The following PITPNC1 variants were observed in gnomAD, a reference collection of about 807,000 sequenced individuals.
PITPNC1 encodes the protein phosphatidylinositol transfer protein cytoplasmic 1, also known as cytoplasmic phosphatidylinositol transfer protein 1.
In PITPNC1, 18 loss-of-function variants were observed where a neutral mutation model predicts 44.7. The ratio of observed to expected loss-of-function variants is 0.40; its 90% CI spans 0.28 to 0.60. The LOEUF (loss-of-function observed/expected upper bound fraction) is 0.60, where lower values mean the gene tolerates loss of function less well. PITPNC1 is among the 20% of genes least tolerant of loss of function. The probability of loss-of-function intolerance (pLI) is 0.39; values close to 1 mark genes in which losing one functional copy is unlikely to be tolerated. For missense variants in PITPNC1, 290 were observed against 418.4 expected, an observed-to-expected ratio of 0.69 and a Z score of 2.68; for synonymous variants, 141 against 149.6, an observed-to-expected ratio of 0.94 and a Z score of 0.42.
chr17:67,480,643 T>C (rs2039689210), intron 1 of PITPNC1, among the ~76,000 whole-genome samples: 1 of 152,154 alleles, frequency 6.6e-6, no homozygotes, highest in Non-Finnish European at 1.5e-5. Flanking sequence ...TACATGTATG[T>C]ATTTTTTTTT....
chr17:67,403,499 G>A (rs57478291), intron 1 of PITPNC1, among the ~76,000 whole-genome samples: 11,729 of 152,224 alleles, frequency 0.077, 501 homozygotes, highest in Middle Eastern at 0.11. Context: ...ATATGTGTCC[G>A]TGTGGACATT....
intron 1 of PITPNC1, among the ~76,000 whole-genome samples, chr17:67,426,442 G>T (rs2038766614): frequency 2.0e-5 from 3 of 152,178 alleles, no homozygotes; most frequent in Admixed American, 2.0e-4. Flanking sequence ...AAAGGAATGA[G>T]ATCATGTCCT....
chr17:67,483,290 G>T (rs1010248829), intron 1 of PITPNC1, among the ~76,000 whole-genome samples: 1 of 152,174 alleles, frequency 6.6e-6, no homozygotes, highest in African/African-American at 2.4e-5. Flanking sequence ...TCTCTGTGTT[G>T]TAAAAGGAGG....
At position 67,524,748 on chromosome 17, in the gene PITPNC1, CTTTTTTTTTTTTTTTTTTT is replaced by C. The variant is rs1000220869; in HGVS notation, c.49-8040_49-8022del. ...TGTTTCAAACATATATGAAGGTTTT[CTTTTTTTTTTTTTTTTTTT>C]TTTTTTTTTTTTTGAGACGGAGTCT... On this transcript the variant is annotated intron_variant, in intron 1 of 8. Coordinates refer to ENST00000581322, the MANE Select transcript of PITPNC1 (RefSeq NM_012417.4). 6.0e-4 allele frequency: 4 copies of C among 6,650 alleles called. 2 individuals are homozygous for C. The highest frequency in any genetic ancestry group is 9.6e-4 in the Non-Finnish European group (4 of 4,182). The allele number at this position is 6,650 out of a possible 1,614,324, so 0.4% of individuals were successfully genotyped here.
rs149983563 is a variant in PITPNC1 at position 67,407,794 on chromosome 17, C to T, written c.48+29592C>T. Among the ~76,000 whole-genome samples, 14 of 148,798 alleles carry T rather than the reference C, an allele frequency of 9.4e-5. No homozygotes were observed. The East Asian group carries it at 1.6e-3, about 17-fold the overall frequency. On this transcript the variant is annotated intron_variant, in intron 1 of 8. Transcript: ENST00000581322. ...GGGCAACAAGAGCGAAACTCTGTCT[C>T]GGAAAAAAAAAAGAAAAACAAAAAA...
rs565426821 is a variant in PITPNC1 at position 67,606,415 on chromosome 17, A to G, written c.367-25728A>G. ...TCAACTGCCTTCAAAGAGATGGGAC[A>G]ATGTTCTTAGAGAGTGAAGTTTCGC... On this transcript the variant is annotated intron_variant, in intron 5 of 8. Transcript: ENST00000581322. Among the ~76,000 whole-genome samples, 9 of 152,332 alleles carry G rather than the reference A, an allele frequency of 5.9e-5. No individual in the cohort carries two copies. The South Asian group carries it at 1.9e-3, about 32-fold the overall frequency.
At chr17:67,585,445 C>T (rs539908803) in intron 5 of PITPNC1, among the ~76,000 whole-genome samples, 2 of 152,220 alleles carry the variant, frequency 1.3e-5, no homozygotes, top group Admixed American at 1.3e-4. Flanking sequence ...AAAATGAGGC[C>T]ATTAGAGTGG....
chr17:67,471,141 C>G (rs2039520806), intron 1 of PITPNC1, among the ~76,000 whole-genome samples: 1 of 124,438 alleles, frequency 8.0e-6, no homozygotes, highest in Admixed American at 8.6e-5. Flanking sequence ...CTTCCCTCCA[C>G]TATTGTCCCA....
In PITPNC1 at chr17:67,393,129, C is replaced by CAA. The variant is rs79602275; in HGVS notation, c.48+14941_48+14942dup. The stretch of plus-strand genomic sequence containing the variant: ...TGGGCTACAGAGCAAGACTCCACCT[C>CAA]AAAAAAAAAAAAAAAGCAGAAAAAT... On this transcript the variant is annotated intron_variant, in intron 1 of 8. Transcript: ENST00000581322. Among the ~76,000 whole-genome samples, 120 of 96,646 alleles carry CAA rather than the reference C, an allele frequency of 1.2e-3. 2 individuals carry two copies. In the South Asian group the frequency reaches 0.024, roughly 19 times the overall value. The allele number at this position is 96,646 out of a possible 152,430, so 63.4% of individuals were successfully genotyped here. A position where few individuals can be genotyped will look rare whatever the true frequency, so the allele number is the denominator to read the frequency against.
intron 5 of PITPNC1, among the ~76,000 whole-genome samples, chr17:67,588,898 A>C (rs950924117): frequency 2.4e-4 from 36 of 152,204 alleles, no homozygotes; most frequent in African/African-American, 7.2e-4. Context: ...CATTTGCTTT[A>C]TTTTTAGACG....
intron 1 of PITPNC1, among the ~76,000 whole-genome samples, chr17:67,402,678 G>GT (rs768857487): frequency 3.9e-5 from 6 of 152,096 alleles, no homozygotes; most frequent in Non-Finnish European, 8.8e-5. Flanking sequence ...TTGTTTGTTT[G>GT]TTTTTTGAGT....
intron 5 of PITPNC1, among the ~76,000 whole-genome samples, chr17:67,591,139 C>A (rs1481775529): frequency 1.3e-5 from 2 of 152,014 alleles, no homozygotes. Context: ...AACAAACAAA[C>A]AAACAAAAAA....
At chr17:67,585,137 C>A (rs78810317) in intron 5 of PITPNC1, among the ~76,000 whole-genome samples, 28,631 of 137,400 alleles carry the variant, frequency 0.21, 3,053 homozygotes, top group South Asian at 0.28. Context: ...AAAAAAAAAA[C>A]CAGACAAACC....
intron 8 of PITPNC1, among the ~76,000 whole-genome samples, chr17:67,688,622 A>G (rs1268265779): frequency 6.6e-6 from 1 of 152,162 alleles, no homozygotes; most frequent in Non-Finnish European, 1.5e-5. Flanking sequence ...CTCTATGCAC[A>G]GACCAATTCC....
At chr17:67,678,554 TA>T (rs1220405525) in intron 8 of PITPNC1, among the ~76,000 whole-genome samples, 1 of 152,214 alleles carries the variant, frequency 6.6e-6, no homozygotes, top group Non-Finnish European at 1.5e-5. Flanking sequence ...ACTACACCGT[TA>T]ATTTCATGTA....
chr17:67,628,576 G>A (rs553442780), intron 5 of PITPNC1, among the ~76,000 whole-genome samples: 2 of 152,316 alleles, frequency 1.3e-5, no homozygotes, highest in Admixed American at 1.3e-4. Flanking sequence ...TGGAGAAGCA[G>A]GATGGTGGGG....
chr17:67,405,120 A>G (rs911948957), intron 1 of PITPNC1, among the ~76,000 whole-genome samples: 2 of 151,854 alleles, frequency 1.3e-5, no homozygotes, highest in Non-Finnish European at 2.9e-5. Context: ...GATGGCGCAC[A>G]CCTGTAATCC....
chr17:67,427,563 G>A (rs1419646423), intron 1 of PITPNC1, among the ~76,000 whole-genome samples: 1 of 152,160 alleles, frequency 6.6e-6, no homozygotes, highest in Non-Finnish European at 1.5e-5. Flanking sequence ...CCTCACAAGA[G>A]TGAGTGAGCT....
At chr17:67,436,936 T>TG (rs2038947046) in intron 1 of PITPNC1, among the ~76,000 whole-genome samples, 1 of 141,812 alleles carries the variant, frequency 7.1e-6, no homozygotes, top group African/African-American at 2.7e-5. Flanking sequence ...TTTTTTTTTT[T>TG]GAGACAGGAT....
Sources: allele counts gnomAD v4.1 joint callset (sites outside exome capture counted in the v4.1 genomes callset), GRCh38; gene constraint gnomAD v4.1.1; transcripts MANE v1.5; gene names NCBI Gene and HGNC (gene_info 2026-07-23, HGNC 2026-07-21).